The following AFF4 variants were observed in gnomAD, a reference collection of about 807,000 sequenced individuals.
AFF4 encodes the protein ALF transcription elongation factor 4, also known as AF4/FMR2 family member 4.
A neutral mutation model predicts 124.8 loss-of-function variants in AFF4; 13 were observed. That is an observed-to-expected ratio of 0.10 (90% CI 0.07 to 0.17). The LOEUF is 0.17. Ranked by LOEUF, AFF4 falls within the 10% of genes least tolerant of loss-of-function variation. The pLI, the probability that AFF4 is intolerant of heterozygous loss-of-function variation, is 1.00. For synonymous variants in AFF4, 477 were observed against 496.1 expected (o/e 0.96, Z 0.51); for missense variants, 1,092 against 1,403.8 (o/e 0.78, Z 3.55).
intron 7 of AFF4, among the ~76,000 whole-genome samples, chr5:132,900,451 G>A (rs1760522097): frequency 6.6e-6 from 1 of 152,066 alleles, no homozygotes. Context: ...TAGCTACCCA[G>A]GAGGATGAGG....
At chr5:132,890,029 C>G (rs559312980) in intron 13 of AFF4, among the ~76,000 whole-genome samples, 1 of 151,908 alleles carries the variant, frequency 6.6e-6, no homozygotes, top group African/African-American at 2.4e-5. Context: ...TTTAATAAAA[C>G]GAATATACAT....
intron 5 of AFF4, among the ~76,000 whole-genome samples, chr5:132,912,119 G>C (rs1760803907): frequency 6.7e-6 from 1 of 150,174 alleles, no homozygotes; most frequent in Non-Finnish European, 1.5e-5. Context: ...TTGGGAGGTG[G>C]AGGTTGGCGG....
chr5:132,925,853 T>TTAAA (rs1761159010), intron 5 of AFF4, among the ~76,000 whole-genome samples: 1 of 152,250 alleles, frequency 6.6e-6, no homozygotes, highest in Non-Finnish European at 1.5e-5. Context: ...AGTGTATGTA[T>TTAAA]TAAATATATA....
chr5:132,936,120 A>G (rs1193658972), intron 2 of AFF4, among the ~76,000 whole-genome samples: 1 of 151,592 alleles, frequency 6.6e-6, no homozygotes, highest in African/African-American at 2.4e-5. Flanking sequence ...ACAAAAAATT[A>G]GCCGGGCATG....
intron 7 of AFF4, among the ~76,000 whole-genome samples, chr5:132,900,349 G>A (rs1050412968): frequency 1.3e-5 from 2 of 152,186 alleles, no homozygotes; most frequent in Non-Finnish European, 2.9e-5. Context: ...CTGAAGTCAT[G>A]AGTTCGAGAC....
At chr5:132,924,903 C>T (rs866659100) in intron 5 of AFF4, among the ~76,000 whole-genome samples, 19 of 151,454 alleles carry the variant, frequency 1.3e-4, no homozygotes, top group African/African-American at 3.6e-4. Flanking sequence ...TGGCCAGGTG[C>T]GTTGGCTCAC....
chr5:132,904,215 C>A (rs1388631612), intron 6 of AFF4, 153 bp downstream of exon 6: 1 of 519,582 alleles, frequency 1.9e-6, no homozygotes. Flanking sequence ...TACGACCACA[C>A]CACTACACTC....
chr5:132,935,782 G>C (rs969803696), intron 2 of AFF4, among the ~76,000 whole-genome samples: 6 of 151,336 alleles, frequency 4.0e-5, no homozygotes, highest in Admixed American at 6.6e-5. Context: ...AACTAGCCCG[G>C]CAAGGTGGTG....
chr5:132,936,402 T>C (rs1561503824), intron 2 of AFF4, among the ~76,000 whole-genome samples: 2 of 151,932 alleles, frequency 1.3e-5, no homozygotes, highest in African/African-American at 2.4e-5. Context: ...AACAAAAATT[T>C]AATGAAAAAA....
At chr5:132,932,469 T>A (rs1761323446) in intron 3 of AFF4, among the ~76,000 whole-genome samples, 1 of 152,224 alleles carries the variant, frequency 6.6e-6, no homozygotes, top group Non-Finnish European at 1.5e-5. Flanking sequence ...TATCCTATAT[T>A]TTAGATTAGA....
At chr5:132,884,199 G>C (rs1341176190) in intron 19 of AFF4, among the ~76,000 whole-genome samples, 1 of 152,050 alleles carries the variant, frequency 6.6e-6, no homozygotes, top group African/African-American at 2.4e-5. Context: ...CTAAAAGAAA[G>C]GAAAAATCAA....
In AFF4 at chr5:132,888,085, ATATC is replaced by A. The variant is rs764809262; in HGVS notation, c.2796+8_2796+11del. On this transcript the variant is annotated splice_region_variant and intron_variant, in intron 15 of 20. Coordinates refer to ENST00000265343, the MANE Select transcript of AFF4 (RefSeq NM_014423.4). ...GATTAAATACGTAAGTGTAAGGAGA[ATATC>A]TACATACCAATGCATCTGCATTGTG... 6.2e-6 allele frequency: 10 copies of A among 1,609,124 alleles called. No homozygotes were observed. Among genetic ancestry groups the A allele is most frequent in the Non-Finnish European group, 8.5e-6 (10 of 1,176,282 alleles).
In AFF4 at chr5:132,944,966, T is replaced by TAA. The variant is rs142291614; in HGVS notation, c.-4-7775_-4-7774dup. 1.8e-4 allele frequency: 26 copies of TAA among 146,412 alleles called. 2 individuals are homozygous for TAA. The highest frequency in any genetic ancestry group is 1.2e-3 in the East Asian group (6 of 4,932). The allele number at this position is 146,412 out of a possible 1,614,324, so 9.1% of individuals were successfully genotyped here. ...AAAAGAAAAAAAAATTTTTTTTAAT[T>TAA]AAAAAAACAAAAACAGTGGACAAGA... On this transcript the variant is annotated intron_variant, in intron 1 of 20. Coordinates refer to ENST00000265343, the MANE Select transcript of AFF4 (RefSeq NM_014423.4).
At chr5:132,890,969 C>T (rs1760239744) in intron 13 of AFF4, among the ~76,000 whole-genome samples, 1 of 151,396 alleles carries the variant, frequency 6.6e-6, no homozygotes, top group Admixed American at 6.6e-5. Context: ...TCCAAATGAG[C>T]AGGAGAGCTC....
chr5:132,905,046 CTCA>C (rs1760639666), intron 5 of AFF4, among the ~76,000 whole-genome samples: 1 of 66,720 alleles, frequency 1.5e-5, no homozygotes. Context: ...GAGACTCCAT[CTCA>C]AAAAAAAAAA....
In AFF4 at chr5:132,927,163, T is replaced by A; in HGVS notation, c.1008A>T (p.Thr336=). Residue 336 remains threonine, a synonymous_variant, in exon 5 of 21, where the codon ACA becomes ACT. Coordinates refer to ENST00000265343, the MANE Select transcript of AFF4 (RefSeq NM_014423.4). The stretch of plus-strand genomic sequence containing the variant: ...ATTTGGAAGGTTCTGTTTTGCATGG[T>A]GTATGAATAGCCGTTAGAGGGGGAG... The part of the protein sequence containing the change: ...SWPPPLTAIH[T]PCKTEPSKFP... 1 of 1,612,426 alleles carries A rather than the reference T, an allele frequency of 6.2e-7. No homozygotes were observed. Among genetic ancestry groups the A allele is most frequent in the South Asian group, 1.1e-5 (1 of 90,564 alleles).
chr5:132,941,563 C>T (rs751899401), intron 1 of AFF4, among the ~76,000 whole-genome samples: 2 of 152,012 alleles, frequency 1.3e-5, no homozygotes, highest in African/African-American at 2.4e-5. Flanking sequence ...CTCCAACTCC[C>T]GATCTCAAGA....
In AFF4 at chr5:132,910,452, T is replaced by G. The variant is rs143574207; in HGVS notation, c.1051-6048A>C. ...CTAATTGGTGTCACCTCCTGTAGGA[T>G]GCTAACCCCAAATTCCCTAGGTATA... On this transcript the variant is annotated intron_variant, in intron 5 of 20. Coordinates refer to ENST00000265343, the MANE Select transcript of AFF4 (RefSeq NM_014423.4). 4.7e-3 allele frequency among the ~76,000 whole-genome samples: 715 copies of G among 152,326 alleles called. 4 individuals are homozygous for G. Among genetic ancestry groups the G allele is most frequent in the Middle Eastern group, 0.02 (6 of 294 alleles).
At chr5:132,884,924 T>G in intron 19 of AFF4, 152 bp downstream of exon 19, 1 of 538,682 alleles carries the variant, frequency 1.9e-6, no homozygotes, top group South Asian at 2.3e-5. Flanking sequence ...TCCTAAAAAA[T>G]ACAGAGAAAA....
Sources: gnomAD v4.1 joint callset for allele counts (sites outside exome capture counted in the v4.1 genomes callset) on GRCh38, gnomAD v4.1.1 for gene constraint, MANE v1.5 for transcripts, NCBI Gene and HGNC (gene_info 2026-07-23, HGNC 2026-07-21) for gene names.